Variants in ZNF568 observed in about 807,000 individuals in gnomAD.
ZNF568 encodes the protein zinc finger protein 568, also known as p53 inhibitor of SCO2 activation.
A neutral mutation model predicts 18.1 loss-of-function variants in ZNF568; 11 were observed. The observed-to-expected ratio is 0.61, with a 90% CI of 0.38 to 1.00. The LOEUF (loss-of-function observed/expected upper bound fraction) is 1.00. Ranked by LOEUF, ZNF568 falls within the 50% of genes least tolerant of loss-of-function variation. ZNF568 has a pLI of 0.01. For missense variants in ZNF568, 639 were observed against 768.2 expected (o/e 0.83, Z 1.99); for synonymous variants, 213 against 246.6 (o/e 0.86, Z 1.28).
intron 6 of ZNF568, among the ~76,000 whole-genome samples, chr19:36,958,987 C>T (rs2146321210): frequency 6.6e-6 from 1 of 152,282 alleles, no homozygotes; most frequent in East Asian, 1.9e-4. Context: ...AATTTGACTT[C>T]CTCTTTTCCA....
intron 4 of ZNF568, among the ~76,000 whole-genome samples, chr19:36,933,420 G>GTTGTTTGT (rs60493053): frequency 2.6e-5 from 4 of 151,186 alleles, no homozygotes; most frequent in African/African-American, 9.7e-5. Flanking sequence ...TTTGGTTGTT[G>GTTGTTTGT]TTGTTTGTTT....
chr19:36,974,682 T>G, intron 7 of ZNF568, among the ~76,000 whole-genome samples: 1 of 152,210 alleles, frequency 6.6e-6, no homozygotes, highest in East Asian at 1.9e-4. Flanking sequence ...TCCCTGGATT[T>G]TATTCATGCT....
chr19:36,997,495 C>T (rs753418487), downstream of ZNF568: 44 of 1,587,052 alleles, frequency 2.8e-5, no homozygotes, highest in East Asian at 2.1e-4. Flanking sequence ...GGCTTTCATT[C>T]GAAGGTCAGA....
chr19:36,991,333 C>T (rs867256563), intron 3 of ZNF568: 1 of 1,495,744 alleles, frequency 6.7e-7, no homozygotes, highest in Non-Finnish European at 8.9e-7. Context: ...CACCCCCTGC[C>T]CCGCCAAACA....
chr19:36,990,339 G>A (rs1156493956), intron 2 of ZNF568, among the ~76,000 whole-genome samples: 1 of 152,190 alleles, frequency 6.6e-6, no homozygotes, highest in Non-Finnish European at 1.5e-5. Flanking sequence ...AAATGACCAG[G>A]CACGGTGGCT....
intron 3 of ZNF568, among the ~76,000 whole-genome samples, chr19:36,924,824 C>T (rs2073523958): frequency 6.7e-6 from 1 of 150,108 alleles, no homozygotes. Flanking sequence ...GAGTGAGACT[C>T]CATCTCAAAA....
At chr19:36,974,302 T>C in intron 6 of ZNF568, 1 of 790,656 alleles carries the variant, frequency 1.3e-6, no homozygotes, top group Non-Finnish European at 2.0e-6. Flanking sequence ...AGCGGTGGCG[T>C]TGCAGCTTCT....
chr19:36,954,662 G>A (rs906141334), downstream of ZNF568, among the ~76,000 whole-genome samples: 3 of 150,900 alleles, frequency 2.0e-5, no homozygotes, highest in Non-Finnish European at 4.4e-5. Flanking sequence ...CTCTGCCTCC[G>A]GGTTCAAGTG....
chr19:36,946,370 C>A (rs1023328911), intron 6 of ZNF568, among the ~76,000 whole-genome samples: 1 of 151,900 alleles, frequency 6.6e-6, no homozygotes, highest in Non-Finnish European at 1.5e-5. Context: ...TGATTGTTGA[C>A]ATATTGTTTA....
rs3053336 is a variant in ZNF568 at position 36,920,212 on chromosome 19, T to TAA, written c.-185-2369_-185-2368dup. Reference sequence around the variant, plus strand: ...TTTTTAACAAGAAAGTTTAAAAAGTTAAAAAATTTTTAAGAAGATAGCTTA... The same window carrying TAA: ...TTTTTAACAAGAAAGTTTAAAAAGTTAAAAAAAATTTTTAAGAAGATAGCTTA... On this transcript the variant is annotated intron_variant, in intron 2 of 6. Transcript: ENST00000333987. Among the ~76,000 whole-genome samples the TAA allele has an allele frequency of 9.9e-5, 15 of 151,696 alleles. No individual in the cohort carries two copies. The South Asian group carries it at 1.0e-3, about 11-fold the overall frequency.
chr19:36,943,826 G>A (rs1220501980), intron 6 of ZNF568, among the ~76,000 whole-genome samples: 1 of 152,040 alleles, frequency 6.6e-6, no homozygotes, highest in African/African-American at 2.4e-5. Flanking sequence ...GCCCGCTTTG[G>A]CCTCACAAAG....
At position 36,920,614 on chromosome 19, in the gene ZNF568, C is replaced by T. The variant is rs535525515; in HGVS notation, c.-185-1972C>T. 2.8e-4 allele frequency among the ~76,000 whole-genome samples: 36 copies of T among 129,064 alleles called. No individual in the cohort carries two copies. In the South Asian group the frequency reaches 8.6e-3, roughly 31 times the overall value. 84.7% of individuals were successfully genotyped at this position (129,064 alleles called of 152,430 possible). ...CCAGCCTGGGTGACAGAGTGAGACT[C>T]CATCTAAAAAAAAAAAAAAATGAAA... On this transcript the variant is annotated intron_variant, in intron 2 of 6. Coordinates refer to ENST00000333987, the MANE Select transcript of ZNF568 (RefSeq NM_198539.4).
downstream of ZNF568, among the ~76,000 whole-genome samples, chr19:36,982,194 C>T (rs890002115): frequency 3.9e-5 from 6 of 152,238 alleles, no homozygotes; most frequent in South Asian, 6.2e-4. Context: ...TCTTGCTGCA[C>T]TGGCTCCACC....
chr19:36,933,905 TTTTTTGTTTTG>T (rs2073736361), intron 4 of ZNF568, among the ~76,000 whole-genome samples: 1 of 35,908 alleles, frequency 2.8e-5, no homozygotes, highest in East Asian at 3.5e-4. Flanking sequence ...GTAGGTTTTT[TTTTTTGTTTTG>T]TTTTTTTGTT....
At chr19:36,976,545 A>G (rs1264234262) in intron 7 of ZNF568, among the ~76,000 whole-genome samples, 2 of 152,266 alleles carry the variant, frequency 1.3e-5, no homozygotes, top group African/African-American at 2.4e-5. Context: ...CTCAGACTCA[A>G]TGAAATAGAG....
At chr19:36,927,889 ATATATATATATATATTTTTTTTTTTTT>A (rs2073599838) in intron 4 of ZNF568, among the ~76,000 whole-genome samples, 9 of 22,114 alleles carry the variant, frequency 4.1e-4, no homozygotes, top group South Asian at 1.9e-3. Flanking sequence ...TATATATATT[ATATATATATATATATTTTTTTTTTTTT>A]TTTTTTTTTT....
chr19:36,921,368 G>A (rs1405313831), intron 2 of ZNF568, among the ~76,000 whole-genome samples: 2 of 152,056 alleles, frequency 1.3e-5, no homozygotes, highest in Non-Finnish European at 2.9e-5. Context: ...GGCTAAGCCA[G>A]GAGAATCACT....
downstream of ZNF568, among the ~76,000 whole-genome samples, chr19:36,981,303 C>T (rs756718160): frequency 2.0e-5 from 3 of 152,110 alleles, no homozygotes; most frequent in Admixed American, 6.5e-5. Flanking sequence ...CTTAGCTGTT[C>T]CTAGGTTTTG....
At chr19:36,991,797 G>T in exon 4 of ZNF568, 2 of 1,581,796 alleles carry the variant, frequency 1.3e-6, no homozygotes, top group East Asian at 2.2e-5. Context: ...TGGAGCAGAA[G>T]AAAGAGCCCT....
Sources: gnomAD v4.1 joint callset for allele counts (sites outside exome capture counted in the v4.1 genomes callset) on GRCh38, gnomAD v4.1.1 for gene constraint, MANE v1.5 for transcripts, NCBI Gene and HGNC (gene_info 2026-07-23, HGNC 2026-07-21) for gene names.